Variants in MORF4L1 observed in about 807,000 individuals in gnomAD.
MORF4L1 encodes the protein mortality factor 4-like protein 1.
In MORF4L1, 4 loss-of-function variants were observed where a neutral mutation model predicts 52.9. The ratio of observed to expected loss-of-function variants is 0.08; its 90% CI spans 0.04 to 0.17. The LOEUF is 0.17. MORF4L1 is among the 10% of genes least tolerant of loss of function. MORF4L1 has a pLI of 1.00. For missense variants in MORF4L1, 214 were observed against 390.4 expected (o/e 0.55, Z 3.81); for synonymous variants, 123 against 134.8 (o/e 0.91, Z 0.61).
chr15:78,875,970 C>T lies in MORF4L1; in HGVS notation c.41-2243C>T, dbSNP rs569642294. ...TTTTTTTCTTTTTGAGACAGTCTTG[C>T]TCTGTCGCCCAGGCTGGAGTCCAGT... On this transcript the variant is annotated intron_variant, in intron 1 of 11. Transcript: ENST00000426013. 3.9e-5 allele frequency among the ~76,000 whole-genome samples: 6 copies of T among 151,940 alleles called. No homozygotes were observed. The East Asian group carries it at 1.2e-3, about 30-fold the overall frequency.
chr15:78,884,346 T>C (rs2056657357), intron 3 of MORF4L1, among the ~76,000 whole-genome samples: 1 of 152,084 alleles, frequency 6.6e-6, no homozygotes, highest in Non-Finnish European at 1.5e-5. Flanking sequence ...ACTCTGTCTC[T>C]ACTAAAAATT....
chr15:78,878,894 C>A lies in MORF4L1; in HGVS notation c.87+635C>A, dbSNP rs188619381. On this transcript the variant is annotated intron_variant, in intron 2 of 11. Coordinates refer to ENST00000426013, the MANE Select transcript of MORF4L1 (RefSeq NM_006791.4). ...AAACAGTCGTAGCTCCAAAAATGAG[C>A]CCGTAAAATACAAAACAGTATAATG... 5.6e-4 allele frequency among the ~76,000 whole-genome samples: 85 copies of A among 152,114 alleles called. 1 individual carries two copies. Among genetic ancestry groups the A allele is most frequent in the African/African-American group, 2.0e-3 (82 of 41,492 alleles).
Position 78,880,499 on chromosome 15 carries a change from T to G in MORF4L1, c.88-13T>G. 1 of 1,575,560 alleles carries G rather than the reference T, an allele frequency of 6.3e-7. No homozygotes were observed. Among genetic ancestry groups the G allele is most frequent in the Non-Finnish European group, 8.6e-7 (1 of 1,158,288 alleles). ...ATTTCTAAGTGAATTATTATTTTTT[T>G]TTTGAATTTCAGTGTGTAAAGGTTG... is the stretch of plus-strand genomic sequence containing the variant. On this transcript the variant is annotated splice_polypyrimidine_tract_variant and intron_variant, in intron 2 of 11. Transcript: ENST00000426013.
In MORF4L1 at chr15:78,873,068, G is replaced by T; in HGVS notation, c.40+11G>T. The T allele has an allele frequency of 1.3e-6, 2 of 1,551,258 alleles. No individual in the cohort carries two copies. The highest frequency in any genetic ancestry group is 1.7e-6 in the Non-Finnish European group (2 of 1,146,742). On this transcript the variant is annotated intron_variant, in intron 1 of 11. Coordinates refer to ENST00000426013, the MANE Select transcript of MORF4L1 (RefSeq NM_006791.4). ...CTAAATTCCAGGAGGGTGAGTGTGC[G>T]CCTTTGGGAAAAAGGCACCTAACGG... is the stretch of plus-strand genomic sequence containing the variant.
intron 9 of MORF4L1, 54 bp downstream of exon 9, chr15:78,893,681 A>G: frequency 1.6e-6 from 2 of 1,237,350 alleles, no homozygotes; most frequent in Non-Finnish European, 2.3e-6. Flanking sequence ...AAAAGTTTCT[A>G]AATAAGTCAT....
intron 9 of MORF4L1, 24 bp downstream of exon 9, chr15:78,893,651 G>A (rs777928332): frequency 2.5e-5 from 37 of 1,458,534 alleles, no homozygotes; most frequent in Non-Finnish European, 3.4e-5. Flanking sequence ...TTTTTCAGAT[G>A]ACACTCAAAA....
At chr15:78,881,030 T>C (rs2056592658) in intron 3 of MORF4L1, among the ~76,000 whole-genome samples, 2 of 152,024 alleles carry the variant, frequency 1.3e-5, no homozygotes, top group African/African-American at 2.4e-5. Flanking sequence ...GGTTGCTTGA[T>C]TGGGAAATAA....
chr15:78,884,443 A>G (rs979907307), intron 3 of MORF4L1, among the ~76,000 whole-genome samples: 3 of 151,870 alleles, frequency 2.0e-5, no homozygotes, highest in African/African-American at 7.3e-5. Context: ...AGTTCGAGAC[A>G]AGCCTGACCA....
At chr15:78,891,923 A>G (rs2056808145) in intron 7 of MORF4L1, among the ~76,000 whole-genome samples, 6 of 152,214 alleles carry the variant, frequency 3.9e-5, no homozygotes. Context: ...CTAAGTTAAA[A>G]TGTATCAAGT....
intron 2 of MORF4L1, 129 bp from the exon 3 acceptor site, chr15:78,880,383 C>A: frequency 1.5e-6 from 1 of 658,262 alleles, no homozygotes; most frequent in Non-Finnish European, 2.6e-6. Flanking sequence ...ATTCTACAAG[C>A]TTAGTGTTCT....
intron 7 of MORF4L1, 135 bp from the exon 8 acceptor site, chr15:78,892,077 T>A: frequency 1.1e-5 from 6 of 546,776 alleles, no homozygotes; most frequent in East Asian, 6.2e-5. Flanking sequence ...TTAATGATTT[T>A]AAAAAATGAC....
At chr15:78,884,214 A>AAAAC (rs1567306982) in intron 3 of MORF4L1, among the ~76,000 whole-genome samples, 2 of 135,848 alleles carry the variant, frequency 1.5e-5, no homozygotes, top group African/African-American at 6.1e-5. Context: ...AAAAAAAAAA[A>AAAAC]CAAAAAGCTG....
intron 7 of MORF4L1, 70 bp downstream of exon 7, chr15:78,891,642 G>T: frequency 3.2e-6 from 4 of 1,246,806 alleles, no homozygotes; most frequent in Non-Finnish European, 3.4e-6. Flanking sequence ...ATAACCATGG[G>T]AGCTTTGATT....
intron 1 of MORF4L1, among the ~76,000 whole-genome samples, chr15:78,873,553 T>C (rs1444781330): frequency 6.7e-6 from 1 of 149,720 alleles, no homozygotes; most frequent in Non-Finnish European, 1.5e-5. Flanking sequence ...CGGATGGGGG[T>C]GGGTTTGGCG....
At chr15:78,880,403 T>C in intron 2 of MORF4L1, 109 bp from the exon 3 acceptor site, 2 of 747,066 alleles carry the variant, frequency 2.7e-6, no homozygotes, top group Admixed American at 6.4e-5. Flanking sequence ...TTAGTCATTC[T>C]GTTTAGGCCA....
chr15:78,876,185 T>C (rs909208600), intron 1 of MORF4L1, among the ~76,000 whole-genome samples: 1 of 152,050 alleles, frequency 6.6e-6, no homozygotes, highest in African/African-American at 2.4e-5. Flanking sequence ...ATCCGCCTAC[T>C]TCGCCGTCGC....
Position 78,895,858 on chromosome 15 carries a change from T to A in MORF4L1, c.887+954T>A, listed in dbSNP as rs149418172. 7.7e-3 allele frequency among the ~76,000 whole-genome samples: 1,179 copies of A among 152,308 alleles called. 19 individuals carry two copies. Among genetic ancestry groups the A allele is most frequent in the African/African-American group, 0.028 (1,146 of 41,564 alleles). On this transcript the variant is annotated intron_variant, in intron 11 of 11. Transcript: ENST00000426013. ...TAAAACTGCAACGTGGACTTGAGAA[T>A]GTAGGCAAGATTTATCATCTTTTCT...
chr15:78,894,470 G>GCGA, intron 10 of MORF4L1: 1 of 374,034 alleles, frequency 2.7e-6, no homozygotes, highest in South Asian at 4.6e-5. Flanking sequence ...GTGCAGTGGT[G>GCGA]CGATCTTTGC....
chr15:78,873,976 G>T lies in MORF4L1; in HGVS notation c.40+919G>T, dbSNP rs182983730. The T allele has an allele frequency of 3.9e-5, 6 of 152,334 alleles. No individual in the cohort carries two copies. In the East Asian group the frequency reaches 1.2e-3, roughly 29 times the overall value. 9.4% of individuals were successfully genotyped at this position (152,334 alleles called of 1,614,324 possible). The stretch of plus-strand genomic sequence containing the variant: ...AAATGCAGTAATTGTTTGATTAGTT[G>T]CAGTGTTTAACAATGACTTGAAAGT... On this transcript the variant is annotated intron_variant, in intron 1 of 11. Coordinates refer to ENST00000426013, the MANE Select transcript of MORF4L1 (RefSeq NM_006791.4).
Sources: allele counts gnomAD v4.1 joint callset (sites outside exome capture counted in the v4.1 genomes callset), GRCh38; gene constraint gnomAD v4.1.1; transcripts MANE v1.5; gene names NCBI Gene and HGNC (gene_info 2026-07-23, HGNC 2026-07-21).